CPS1: variants seen among roughly 807,000 people sequenced by gnomAD.
The protein encoded by CPS1 is carbamoyl-phosphate synthase 1, also known as carbamoyl-phosphate synthase [ammonia], mitochondrial.
A neutral mutation model predicts 174.6 loss-of-function variants in CPS1; 109 were observed. The ratio of observed to expected loss-of-function variants is 0.62; its 90% CI spans 0.53 to 0.73. The LOEUF is 0.73. Ranked by LOEUF, CPS1 falls within the 30% of genes least tolerant of loss-of-function variation. The pLI is 0.00. For synonymous variants in CPS1, 637 were observed against 632.0 expected (o/e 1.01, Z -0.12); for missense variants, 1,689 against 1,821.9 (o/e 0.93, Z 1.33).
chr2:210,605,883 C>G (rs553962481), intron 17 of CPS1, among the ~76,000 whole-genome samples: 1 of 151,826 alleles, frequency 6.6e-6, no homozygotes, highest in Non-Finnish European at 1.5e-5. Flanking sequence ...TAGGGTTGAA[C>G]TTTGAACTCT....
chr2:210,509,473 G>A (rs1695390497), intron 1 of CPS1, among the ~76,000 whole-genome samples: 1 of 152,190 alleles, frequency 6.6e-6, no homozygotes, highest in Admixed American at 6.5e-5. Context: ...ACTGGCACAT[G>A]ATAGGGATGC....
At chr2:210,539,054 A>G (rs779309693) in intron 1 of CPS1, among the ~76,000 whole-genome samples, 1 of 152,184 alleles carries the variant, frequency 6.6e-6, no homozygotes, top group Non-Finnish European at 1.5e-5. Context: ...TTCCGCACTC[A>G]TTGGCATGCC....
chr2:210,580,913 G>A (rs1329463423), intron 5 of CPS1, among the ~76,000 whole-genome samples: 2 of 149,214 alleles, frequency 1.3e-5, no homozygotes, highest in African/African-American at 2.5e-5. Flanking sequence ...AAATTTTTTT[G>A]TAGATTTCTT....
At chr2:210,557,378 C>T (rs1460347891) in intron 1 of CPS1, among the ~76,000 whole-genome samples, 1 of 152,002 alleles carries the variant, frequency 6.6e-6, no homozygotes, top group East Asian at 1.9e-4. Context: ...TAGCTTTTTC[C>T]TTTTCCTTCT....
intron 1 of CPS1, among the ~76,000 whole-genome samples, chr2:210,525,637 C>G (rs1695951344): frequency 6.7e-6 from 1 of 149,314 alleles, no homozygotes; most frequent in African/African-American, 2.5e-5. Flanking sequence ...CAATAGAGGT[C>G]TAAAAGTAGG....
At chr2:210,613,235 C>T (rs373678835) in intron 20 of CPS1, among the ~76,000 whole-genome samples, 3 of 151,868 alleles carry the variant, frequency 2.0e-5, no homozygotes, top group Admixed American at 6.6e-5. Flanking sequence ...TTGAACTCAT[C>T]GCAACTTTTA....
chr2:210,651,161 AG>A (rs1700546953), intron 28 of CPS1, among the ~76,000 whole-genome samples: 1 of 151,746 alleles, frequency 6.6e-6, no homozygotes, highest in South Asian at 2.1e-4. Flanking sequence ...TTTTTTTTTA[AG>A]GGGGAACAAT....
intron 1 of CPS1, among the ~76,000 whole-genome samples, chr2:210,512,363 C>G (rs570015872): frequency 1.3e-5 from 2 of 151,970 alleles, no homozygotes; most frequent in South Asian, 2.1e-4. Context: ...GCCTCCTTCC[C>G]CACTCCAGTA....
At position 210,595,784 on chromosome 2, in the gene CPS1, T is replaced by C. The variant is rs370995097; in HGVS notation, c.1359+202T>C. ...TTTCTGTAATGTGCACATCTGTAAA[T>C]TGAGGAGGTTAATCTCCAAAATTAT... On this transcript the variant is annotated intron_variant, in intron 13 of 37. Coordinates refer to ENST00000233072, the MANE Select transcript of CPS1 (RefSeq NM_001875.5). 4.6e-5 allele frequency among the ~76,000 whole-genome samples: 7 copies of C among 152,112 alleles called. 1 individual carries two copies. The highest frequency in any genetic ancestry group is 4.1e-4 in the South Asian group (2 of 4,824).
chr2:210,660,372 C>T lies in CPS1; in HGVS notation c.3757-113C>T, dbSNP rs1358774116. On this transcript the variant is annotated intron_variant, in intron 31 of 37. Transcript: ENST00000233072. ...GAGAAAAGAGACAAGATTAGCAAAA[C>T]AAGAGCTGGTCCCCAGTTAATAACA... 2.8e-5 allele frequency: 29 copies of T among 1,050,444 alleles called. 1 individual carries two copies. The Middle Eastern group carries it at 7.0e-4, about 25-fold the overall frequency. 65.1% of individuals were successfully genotyped at this position (1,050,444 alleles called of 1,614,324 possible). A position where few individuals can be genotyped will look rare whatever the true frequency, so the allele number is the denominator to read the frequency against.
At chr2:210,567,553 T>C (rs181200786) in intron 1 of CPS1, among the ~76,000 whole-genome samples, 2 of 152,294 alleles carry the variant, frequency 1.3e-5, no homozygotes, top group Non-Finnish European at 1.5e-5. Context: ...GGGTTATATA[T>C]ACTGAATGCA....
In CPS1 at chr2:210,678,113, C is replaced by A; in HGVS notation, c.*128C>A. 1.3e-6 allele frequency: 1 copy of A among 799,996 alleles called. No homozygotes were observed. The highest frequency in any genetic ancestry group is 1.4e-5 in the South Asian group (1 of 72,848). The allele number at this position is 799,996 out of a possible 1,614,324, so 49.6% of individuals were successfully genotyped here. A position where few individuals can be genotyped will look rare whatever the true frequency, so the allele number is the denominator to read the frequency against. Reference sequence around the variant, plus strand: ...TTCATTTCAGTTTACTTTGTTATGCCTTAATATTCTGTGTCTTTTGCAATT... The same window carrying A: ...TTCATTTCAGTTTACTTTGTTATGCATTAATATTCTGTGTCTTTTGCAATT... On this transcript the variant is annotated 3_prime_UTR_variant, in exon 38 of 38. Coordinates refer to ENST00000233072, the MANE Select transcript of CPS1 (RefSeq NM_001875.5).
chr2:210,530,206 A>G (rs998047251), intron 1 of CPS1, among the ~76,000 whole-genome samples: 3 of 152,164 alleles, frequency 2.0e-5, no homozygotes, highest in South Asian at 2.1e-4. Flanking sequence ...GGCTTGTTCT[A>G]TTGTTAAGTA....
At chr2:210,495,812 C>T (rs969145302) in intron 1 of CPS1, among the ~76,000 whole-genome samples, 22 of 151,986 alleles carry the variant, frequency 1.4e-4, no homozygotes, top group African/African-American at 5.1e-4. Flanking sequence ...TATTTGTCAC[C>T]GAGCATAGAA....
Position 210,531,797 on chromosome 2 carries a change from A to T in CPS1, c.4-24922A>T, listed in dbSNP as rs539991302. Among the ~76,000 whole-genome samples the T allele has an allele frequency of 2.6e-5, 4 of 152,290 alleles. No homozygotes were observed. In the East Asian group the frequency reaches 7.7e-4, roughly 29 times the overall value. On this transcript the variant is annotated intron_variant, in intron 1 of 38. Coordinates refer to the CPS1 transcript ENST00000430249. ...CCTGGATGTTAAAGTTTAAGTACAC[A>T]TGGATAGTCAAAACGCTATTTTTTA...
chr2:210,668,076 ATGTGTGTGTG>A (rs3217217), intron 33 of CPS1, 100 bp from the exon 34 acceptor site: 8 of 664,168 alleles, frequency 1.2e-5, no homozygotes, highest in East Asian at 2.9e-5. Context: ...TTGTGCGTGC[ATGTGTGTGTG>A]TGTGTGTGTG....
intron 32 of CPS1, among the ~76,000 whole-genome samples, chr2:210,661,155 G>A (rs962452273): frequency 8.5e-5 from 13 of 152,178 alleles, no homozygotes; most frequent in Non-Finnish European, 1.9e-4. Context: ...GTGCTGTGCG[G>A]TTGTTGAAAT....
chr2:210,602,083 T>G, intron 15 of CPS1, 119 bp from the exon 16 acceptor site: 1 of 1,217,818 alleles, frequency 8.2e-7, no homozygotes, highest in Non-Finnish European at 1.2e-6. Flanking sequence ...TAATAGAACA[T>G]TTCTAGATTC....
chr2:210,614,401 T>C (rs1699233335), intron 20 of CPS1, among the ~76,000 whole-genome samples: 1 of 151,994 alleles, frequency 6.6e-6, no homozygotes, highest in Non-Finnish European at 1.5e-5. Flanking sequence ...TTATAATCCT[T>C]TGGGTATATA....
Sources: allele counts gnomAD v4.1 joint callset (sites outside exome capture counted in the v4.1 genomes callset), GRCh38; gene constraint gnomAD v4.1.1; transcripts MANE v1.5; gene names NCBI Gene and HGNC (gene_info 2026-07-23, HGNC 2026-07-21).